The following EXOC4 variants were observed in gnomAD, a reference collection of about 807,000 sequenced individuals.
The protein encoded by EXOC4 is SEC8-like 1.
In EXOC4, 71 loss-of-function variants were observed where a neutral mutation model predicts 107.2. The ratio of observed to expected loss-of-function variants is 0.66; its 90% CI spans 0.55 to 0.81. The LOEUF (loss-of-function observed/expected upper bound fraction) is 0.81, where lower values mean the gene tolerates loss of function less well. EXOC4 is among the 30% of genes least tolerant of loss of function. The probability of loss-of-function intolerance (pLI) is 0.00; values close to 1 mark genes in which losing one functional copy is unlikely to be tolerated. For synonymous variants in EXOC4, 456 were observed against 441.2 expected (o/e 1.03, Z -0.42); for missense variants, 1,108 against 1,189.6 (o/e 0.93, Z 1.01).
chr7:133,630,030 T>C lies in EXOC4; in HGVS notation c.1418-15T>C, dbSNP rs146054270. On this transcript the variant is annotated splice_polypyrimidine_tract_variant and intron_variant, in intron 9 of 17. Transcript: ENST00000253861. ...TTCAATGAGCTAAGTCTGTTTTTTT[T>C]CTTTCTTCTGAAAGGGGGTCCTGAT... The C allele has an allele frequency of 2.2e-5, 36 of 1,601,362 alleles. No individual in the cohort carries two copies. In the African/African-American group the frequency reaches 4.1e-4, roughly 18 times the overall value.
chr7:133,800,038 T>TCCAC (rs967709134), intron 10 of EXOC4, among the ~76,000 whole-genome samples: 3 of 21,450 alleles, frequency 1.4e-4, no homozygotes, highest in African/African-American at 4.2e-4. Context: ...CATCCATCCA[T>TCCAC]CCACCCACCC....
chr7:133,583,863 G>T (rs1256993366), intron 9 of EXOC4, among the ~76,000 whole-genome samples: 2 of 152,154 alleles, frequency 1.3e-5, no homozygotes, highest in African/African-American at 4.8e-5. Context: ...ATGTTAGGAG[G>T]TCTGAAGGTA....
At chr7:134,091,702 A>C in the EXOC4 span, among the ~76,000 whole-genome samples, 1 of 152,186 alleles carries the variant, frequency 6.6e-6, no homozygotes. Flanking sequence ...AGGCAGGAAA[A>C]TGTGGAAAGT....
intron 10 of EXOC4, among the ~76,000 whole-genome samples, chr7:133,709,430 T>C (rs1467178965): frequency 1.3e-5 from 2 of 152,206 alleles, no homozygotes; most frequent in African/African-American, 4.8e-5. Context: ...AGGTGAGAGT[T>C]GCTACCTGCC....
At chr7:133,909,417 G>A (rs1799639746) in intron 12 of EXOC4, among the ~76,000 whole-genome samples, 1 of 152,186 alleles carries the variant, frequency 6.6e-6, no homozygotes, top group South Asian at 2.1e-4. Context: ...CGCAGAGGAC[G>A]TGGCATTTGA....
intron 12 of EXOC4, among the ~76,000 whole-genome samples, chr7:133,896,515 A>G (rs1430620080): frequency 2.3e-5 from 2 of 87,904 alleles, no homozygotes; most frequent in African/African-American, 1.2e-4. Context: ...AAAACAAGAA[A>G]GAGAAAGGGG....
At position 133,254,912 on chromosome 7, in the gene EXOC4, A is replaced by G. The variant is rs1309132844; in HGVS notation, c.86+1725A>G. On this transcript the variant is annotated intron_variant, in intron 1 of 17. Coordinates refer to ENST00000253861, the MANE Select transcript of EXOC4 (RefSeq NM_021807.4). The stretch of plus-strand genomic sequence containing the variant: ...CCTCAGGGCCAGTTGAATTTACTCT[A>G]AATGTCATATTTTTGAAAACAGCAT... Among the ~76,000 whole-genome samples, 4 of 152,126 alleles carry G rather than the reference A, an allele frequency of 2.6e-5. No homozygotes were observed. In the East Asian group the frequency reaches 7.7e-4, roughly 29 times the overall value.
At chr7:133,857,775 C>T (rs1454983779) in intron 11 of EXOC4, among the ~76,000 whole-genome samples, 2 of 152,070 alleles carry the variant, frequency 1.3e-5, no homozygotes, top group Non-Finnish European at 2.9e-5. Flanking sequence ...TCTGAAAACT[C>T]GGAGATGCCA....
At chr7:133,350,599 A>G (rs982219953) in intron 5 of EXOC4, among the ~76,000 whole-genome samples, 1 of 152,044 alleles carries the variant, frequency 6.6e-6, no homozygotes, top group African/African-American at 2.4e-5. Flanking sequence ...GAAATTAGGA[A>G]GTAAGTTTTG....
At chr7:133,465,442 TG>T (rs1798704423) in intron 7 of EXOC4, among the ~76,000 whole-genome samples, 1 of 152,188 alleles carries the variant, frequency 6.6e-6, no homozygotes, top group South Asian at 2.1e-4. Context: ...TCAGTGATTA[TG>T]GTTGGTGATT....
chr7:133,353,521 T>C (rs1795957034), intron 5 of EXOC4, among the ~76,000 whole-genome samples: 1 of 152,128 alleles, frequency 6.6e-6, no homozygotes, highest in African/African-American at 2.4e-5. Context: ...GATAATCTTA[T>C]TGGGGATCCT....
chr7:134,004,219 G>A (rs1794591138), intron 15 of EXOC4, among the ~76,000 whole-genome samples: 1 of 152,132 alleles, frequency 6.6e-6, no homozygotes, highest in East Asian at 1.9e-4. Context: ...ACATGATTTA[G>A]TTAACTAATA....
intron 6 of EXOC4, among the ~76,000 whole-genome samples, chr7:133,362,596 A>G (rs1037441744): frequency 1.3e-5 from 2 of 152,176 alleles, no homozygotes; most frequent in Non-Finnish European, 2.9e-5. Flanking sequence ...TATTTTTTAT[A>G]ATTTGGAGGC....
intron 10 of EXOC4, among the ~76,000 whole-genome samples, chr7:133,682,285 T>C (rs1225836501): frequency 2.0e-5 from 3 of 152,234 alleles, no homozygotes; most frequent in African/African-American, 7.2e-5. Flanking sequence ...TTTGTATTTT[T>C]AAAAAGTTTC....
At chr7:133,566,915 A>G (rs916496173) in intron 9 of EXOC4, among the ~76,000 whole-genome samples, 6 of 152,198 alleles carry the variant, frequency 3.9e-5, no homozygotes, top group Non-Finnish European at 8.8e-5. Flanking sequence ...ATCTCAAACA[A>G]TGAACCTGGA....
chr7:133,640,919 G>A (rs1180436796), intron 10 of EXOC4, among the ~76,000 whole-genome samples: 3 of 151,656 alleles, frequency 2.0e-5, no homozygotes, highest in Admixed American at 6.6e-5. Context: ...CCAGGCTGGA[G>A]TGCAGTGGCT....
intron 9 of EXOC4, among the ~76,000 whole-genome samples, chr7:133,629,445 C>A (rs1260095957): frequency 6.6e-6 from 1 of 152,186 alleles, no homozygotes; most frequent in East Asian, 1.9e-4. Context: ...GAATTGTAGC[C>A]TTGCACTGTT....
At chr7:133,816,488 C>A (rs1203870378) in intron 10 of EXOC4, among the ~76,000 whole-genome samples, 1 of 152,092 alleles carries the variant, frequency 6.6e-6, no homozygotes, top group African/African-American at 2.4e-5. Context: ...CTTTGTCCTC[C>A]AACTCCCATC....
chr7:133,393,510 C>G (rs1796900221), intron 7 of EXOC4, among the ~76,000 whole-genome samples: 1 of 152,176 alleles, frequency 6.6e-6, no homozygotes, highest in Non-Finnish European at 1.5e-5. Flanking sequence ...TATGTCCCCC[C>G]TACCCCATAT....
Sources: gnomAD v4.1 joint callset for allele counts (sites outside exome capture counted in the v4.1 genomes callset) on GRCh38, gnomAD v4.1.1 for gene constraint, MANE v1.5 for transcripts, NCBI Gene and HGNC (gene_info 2026-07-23, HGNC 2026-07-21) for gene names.